LRRC71: variants seen among roughly 807,000 people sequenced by gnomAD.
The protein encoded by LRRC71 is leucine rich repeat containing 71.
In LRRC71, 54 loss-of-function variants were observed where a neutral mutation model predicts 66.6. That is an observed-to-expected ratio of 0.81 (90% confidence interval 0.65 to 1.02). The LOEUF is 1.02. Ranked by LOEUF, LRRC71 falls within the 50% of genes least tolerant of loss-of-function variation. The probability of loss-of-function intolerance (pLI) is 0.00; values close to 1 mark genes in which losing one functional copy is unlikely to be tolerated. For missense variants in LRRC71, 724 were observed against 718.0 expected, an observed-to-expected ratio of 1.01 and a Z score of -0.10; for synonymous variants, 323 against 303.9, an observed-to-expected ratio of 1.06 and a Z score of -0.65.
rs192660355 is a variant in LRRC71 at position 156,928,850 on chromosome 1, C to A, written c.997-430C>A. On this transcript the variant is annotated intron_variant, in intron 9 of 14. Coordinates refer to ENST00000337428, the MANE Select transcript of LRRC71 (RefSeq NM_144702.3). ...CCTCCTAAAGTATTGGGATTACAGGCGTGAGCCACTGCACCTGGCCTGTGT... is the reference window on the plus strand; with the variant it reads ...CCTCCTAAAGTATTGGGATTACAGGAGTGAGCCACTGCACCTGGCCTGTGT... 3.3e-5 allele frequency among the ~76,000 whole-genome samples: 5 copies of A among 152,180 alleles called. No individual in the cohort carries two copies. The East Asian group carries it at 9.7e-4, about 29-fold the overall frequency.
In LRRC71 at chr1:156,920,938, G is replaced by A; in HGVS notation, c.135G>A (p.Val45=). The change falls in exon 1 of 15, where the codon GTG becomes GTA. Residue 45 remains valine, a synonymous_variant. Coordinates refer to ENST00000337428, the MANE Select transcript of LRRC71 (RefSeq NM_144702.3). This position sits in a 1 kb window ranked among gnomAD's most constrained non-coding sequence, Gnocchi z 4.9. ...AGCCAGCGACCGTTCTGCCTCCCGTGGGGGAGGAGGAGCCCAAAAGCCCTG... is the reference window on the plus strand; with the variant it reads ...AGCCAGCGACCGTTCTGCCTCCCGTAGGGGAGGAGGAGCCCAAAAGCCCTG... ...KEKPATVLPP[V]GEEEPKSPEE... 6.5e-7 allele frequency: 1 copy of A among 1,534,864 alleles called. No individual in the cohort carries two copies. The highest frequency in any genetic ancestry group is 8.8e-7 in the Non-Finnish European group (1 of 1,139,134).
chr1:156,923,445 G>A (rs2101595539), intron 1 of LRRC71, among the ~76,000 whole-genome samples: 2 of 152,362 alleles, frequency 1.3e-5, no homozygotes, highest in East Asian at 3.9e-4. Context: ...ACTAGGAAGT[G>A]CCATATAAAC....
intron 5 of LRRC71, among the ~76,000 whole-genome samples, chr1:156,926,858 G>C (rs1470986971): frequency 6.6e-6 from 1 of 152,148 alleles, no homozygotes; most frequent in Non-Finnish European, 1.5e-5. Flanking sequence ...TTACAGGCGT[G>C]AGCCACTGTG....
At chr1:156,938,481 G>A in the LRRC71 span, 130 of 1,613,644 alleles carry the variant, frequency 8.1e-5, no homozygotes, top group Non-Finnish European at 9.9e-5. Flanking sequence ...CTCTCTGGTA[G>A]TGCAGGGACA....
At chr1:156,937,721 G>A (rs972287614), downstream of LRRC71, among the ~76,000 whole-genome samples, 1 of 152,230 alleles carries the variant, frequency 6.6e-6, no homozygotes, top group African/African-American at 2.4e-5. Context: ...AGCTGGGGGA[G>A]ATGCTGAGCG....
At chr1:156,936,912 C>G (rs1425681148), downstream of LRRC71, 1 of 1,614,150 alleles carries the variant, frequency 6.2e-7, no homozygotes, top group Admixed American at 1.7e-5. Context: ...GTCCATCTAG[C>G]TGCTTCTGTG....
Position 156,933,038 on chromosome 1 carries a change from C to G in LRRC71, c.*69C>G. The G allele has an allele frequency of 8.5e-7, 1 of 1,170,126 alleles. No individual in the cohort carries two copies. Among genetic ancestry groups the G allele is most frequent in the Non-Finnish European group, 1.2e-6 (1 of 812,010 alleles). The allele number at this position is 1,170,126 out of a possible 1,614,324, so 72.5% of individuals were successfully genotyped here. ...CACCTCCTGTCCCTGTGTGGGGTGACCTCCCTGGGGGAGATCTCAGACCAA... is the reference window on the plus strand; with the variant it reads ...CACCTCCTGTCCCTGTGTGGGGTGAGCTCCCTGGGGGAGATCTCAGACCAA... On this transcript the variant is annotated 3_prime_UTR_variant, in exon 15 of 15. Coordinates refer to ENST00000337428, the MANE Select transcript of LRRC71 (RefSeq NM_144702.3).
At chr1:156,927,862 G>A in intron 8 of LRRC71, 46 bp downstream of exon 8, 2 of 1,611,220 alleles carry the variant, frequency 1.2e-6, no homozygotes, top group South Asian at 1.1e-5. Flanking sequence ...CGGGCCGAGG[G>A]AGCCGACCCT....
At position 156,923,965 on chromosome 1, in the gene LRRC71, C is replaced by A; in HGVS notation, c.177C>A (p.Ser59=). 2 of 1,526,692 alleles carry A rather than the reference C, an allele frequency of 1.3e-6. No individual in the cohort carries two copies. The highest frequency in any genetic ancestry group is 1.8e-6 in the Non-Finnish European group (2 of 1,134,356). 94.6% of individuals were successfully genotyped at this position (1,526,692 alleles called of 1,614,324 possible). A position where few individuals can be genotyped will look rare whatever the true frequency, so the allele number is the denominator to read the frequency against. ...EPKSPEEYQC[S]GVLETDFAEL... is the part of the protein sequence containing the mutation. The stretch of plus-strand genomic sequence containing the variant: ...CCCCCGCAGAGGAGTACCAGTGCTC[C>A]GGGGTCCTCGAGACCGACTTCGCCG... Residue 59 remains serine (S), a synonymous_variant, in exon 2 of 15, where the codon TCC becomes TCA. Coordinates refer to ENST00000337428, the MANE Select transcript of LRRC71 (RefSeq NM_144702.3).
At chr1:156,937,764 T>C (rs532771603), downstream of LRRC71, among the ~76,000 whole-genome samples, 13 of 152,264 alleles carry the variant, frequency 8.5e-5, no homozygotes, top group African/African-American at 2.9e-4. Flanking sequence ...AGAGCTGCAG[T>C]GTTTCATTTG....
chr1:156,928,946 G>A (rs12402987), intron 9 of LRRC71, among the ~76,000 whole-genome samples: 25,526 of 151,904 alleles, frequency 0.17, 2,190 homozygotes, highest in East Asian at 0.31. Context: ...CATGACTGTC[G>A]AGAGGATTTA....
downstream of LRRC71, among the ~76,000 whole-genome samples, chr1:156,934,572 T>C (rs575498605): frequency 6.6e-6 from 1 of 152,224 alleles, no homozygotes; most frequent in African/African-American, 2.4e-5. Flanking sequence ...TATGTGTGTA[T>C]ATATATGTAT....
At chr1:156,937,254 G>A (rs762882489), downstream of LRRC71, 3 of 1,613,870 alleles carry the variant, frequency 1.9e-6, no homozygotes, top group South Asian at 2.2e-5. Context: ...CTCACCTTGA[G>A]CCTGTTGAGC....
In LRRC71 at chr1:156,927,929, C is replaced by A. The variant is rs183062517; in HGVS notation, c.921C>A (p.Phe307Leu). 1 of 1,612,010 alleles carries A rather than the reference C, an allele frequency of 6.2e-7. No individual in the cohort carries two copies. The highest frequency in any genetic ancestry group is 8.5e-7 in the Non-Finnish European group (1 of 1,179,244). ...GCCTCCTTCAGGTCCTGCGCGCCTT[C>A]GAGCTGACACACACCGAAGTGGTGG... ...ALKLAEVLRA[F>L]ELTHTEVVER... The change falls in exon 9 of 15, where the codon TTC becomes TTA. Residue 307 changes from phenylalanine (F) to leucine (L), a missense_variant. By Grantham distance (22) the Phe-to-Leu change is conservative (BLOSUM62 0). Coordinates refer to ENST00000337428, the MANE Select transcript of LRRC71 (RefSeq NM_144702.3).
At chr1:156,940,428 G>A in the LRRC71 span, 21 of 1,595,786 alleles carry the variant, frequency 1.3e-5, 1 homozygote, top group South Asian at 5.6e-5. Flanking sequence ...CCCAGTGCCT[G>A]TTTCGGATGA....
Position 156,932,958 on chromosome 1 carries a change from T to C in LRRC71, c.1669T>C (p.Phe557Leu). ...AKLREDEAMA[F>L]FP The stretch of plus-strand genomic sequence containing the variant: ...ACTCAGGGAGGATGAGGCCATGGCA[T>C]TCTTCCCCTAGCCCCCTCCCACCTG... The change falls in exon 15 of 15, where the codon TTC becomes CTC. Residue 557 changes from phenylalanine to leucine, a missense_variant. Physicochemically the swap from Phe to Leu is conservative, Grantham distance 22. Transcript: ENST00000337428. The C allele has an allele frequency of 6.4e-7, 1 of 1,570,450 alleles. No individual in the cohort carries two copies. Among genetic ancestry groups the C allele is most frequent in the Non-Finnish European group, 8.6e-7 (1 of 1,157,290 alleles).
chr1:156,924,507 C>G lies in LRRC71; in HGVS notation c.394C>G (p.Leu132Val). The G allele has an allele frequency of 6.4e-7, 1 of 1,551,416 alleles. No homozygotes were observed. Among genetic ancestry groups the G allele is most frequent in the Non-Finnish European group, 8.7e-7 (1 of 1,146,984 alleles). Residue 132 changes from leucine (L) to valine (V), a missense_variant, in exon 3 of 15, where the codon CTG (leucine) becomes GTG (valine). Leu to Val is a conservative substitution (Grantham distance 32, BLOSUM62 1). Transcript: ENST00000337428. ...VFFRPTIQVE[L>V]EQEDSKSVKE... ...CTTCCGGCCCACCATCCAGGTGGAGCTGGAGCAGGAGGACAGCAAGTCAGT... is the reference window on the plus strand; with the variant it reads ...CTTCCGGCCCACCATCCAGGTGGAGGTGGAGCAGGAGGACAGCAAGTCAGT...
At position 156,930,599 on chromosome 1, in the gene LRRC71, C is replaced by T. The variant is rs1161707481; in HGVS notation, c.1311C>T (p.Ser437=). 4 of 1,565,102 alleles carry T rather than the reference C, an allele frequency of 2.6e-6. No individual in the cohort carries two copies. In the African/African-American group the frequency reaches 4.1e-5, roughly 16 times the overall value. Residue 437 remains serine (S), a synonymous_variant, in exon 12 of 15, where the codon AGC becomes AGT. Coordinates refer to ENST00000337428, the MANE Select transcript of LRRC71 (RefSeq NM_144702.3). Reference sequence around the variant, plus strand: ...AGATCGGGAGCAGAGAGAAGCGCAGCATCCTCCTGGAGTCCGAGGTAAGTT... The same window carrying T: ...AGATCGGGAGCAGAGAGAAGCGCAGTATCCTCCTGGAGTCCGAGGTAAGTT... The part of the protein sequence containing the change: ...GIKIGSREKR[S]ILLESELVVE...
At chr1:156,940,581 T>C in the LRRC71 span, among the ~76,000 whole-genome samples, 1 of 152,230 alleles carries the variant, frequency 6.6e-6, no homozygotes, top group Non-Finnish European at 1.5e-5. Flanking sequence ...CCCAGGCTCT[T>C]GGCATACAAC....
Sources: allele counts gnomAD v4.1 joint callset (sites outside exome capture counted in the v4.1 genomes callset), GRCh38; gene constraint gnomAD v4.1.1; non-coding constraint Gnocchi (gnomAD v3.1); transcripts MANE v1.5; gene names NCBI Gene and HGNC (gene_info 2026-07-23, HGNC 2026-07-21).